The following GALNT2 variants were observed in gnomAD, a reference collection of about 807,000 sequenced individuals.
GALNT2 encodes UDP-GalNAc:polypeptide N-acetylgalactosaminyltransferase 2.
In GALNT2, 31 loss-of-function variants were observed where a neutral mutation model predicts 81.4. The observed-to-expected ratio is 0.38, with a 90% CI of 0.29 to 0.51. GALNT2 has a LOEUF of 0.51. Ranked by LOEUF, GALNT2 falls within the 20% of genes least tolerant of loss-of-function variation. The pLI, the probability that GALNT2 is intolerant of heterozygous loss-of-function variation, is 0.87. For missense variants in GALNT2, 629 were observed against 765.7 expected (o/e 0.82, Z 2.11); for synonymous variants, 303 against 287.4 (o/e 1.05, Z -0.55).
In GALNT2 at chr1:230,279,050, A is replaced by G. The variant is rs1358181038; in HGVS notation, c.1561-253A>G. On this transcript the variant is annotated intron_variant, in intron 15 of 15. Coordinates refer to ENST00000366672, the MANE Select transcript of GALNT2 (RefSeq NM_004481.5). The surrounding 1 kb of genome is among the most constrained non-coding windows in gnomAD (Gnocchi z 4.6). ...GGCTCAGAGGAGGGGACACCCACAG[A>G]AAGTTTGGGGCAGGAGACGTTCTGA... Among the ~76,000 whole-genome samples, 1 of 152,174 alleles carries G rather than the reference A, an allele frequency of 6.6e-6. No individual in the cohort carries two copies. Among genetic ancestry groups the G allele is most frequent in the Admixed American group, 6.5e-5 (1 of 15,284 alleles).
At position 230,151,983 on chromosome 1, in the gene GALNT2, A is replaced by T. The variant is rs150738897; in HGVS notation, c.127-26235A>T. ...TTGTGAATTATCATGGTGCTGGTGG[A>T]AGTGTAGCAGTGAGGACGACCAGAG... On this transcript the variant is annotated intron_variant, in intron 1 of 15. Coordinates refer to ENST00000366672, the MANE Select transcript of GALNT2 (RefSeq NM_004481.5). Among the ~76,000 whole-genome samples, 331 of 152,204 alleles carry T rather than the reference A, an allele frequency of 2.2e-3. 1 individual carries two copies. The highest frequency in any genetic ancestry group is 7.2e-3 in the African/African-American group (301 of 41,534).
intron 11 of GALNT2, among the ~76,000 whole-genome samples, chr1:230,260,862 C>T (rs1665856553): frequency 6.6e-6 from 1 of 152,160 alleles, no homozygotes; most frequent in Admixed American, 6.5e-5. Context: ...TTGATGAATT[C>T]GTCTGTCAGT....
chr1:230,171,368 T>C (rs1439673727), intron 1 of GALNT2, among the ~76,000 whole-genome samples: 3 of 152,256 alleles, frequency 2.0e-5, no homozygotes, highest in South Asian at 2.1e-4. Flanking sequence ...ATTTAAAAAT[T>C]TCTGGCAACC....
intron 1 of GALNT2, among the ~76,000 whole-genome samples, chr1:230,128,860 G>A (rs10864699): frequency 0.27 from 41,623 of 152,142 alleles, 5,760 homozygotes; most frequent in African/African-American, 0.32. Flanking sequence ...GGGCACCTGC[G>A]CTTTCTGGTT....
chr1:230,250,081 A>G (rs1181783920), intron 9 of GALNT2, among the ~76,000 whole-genome samples: 3 of 152,206 alleles, frequency 2.0e-5, no homozygotes, highest in Non-Finnish European at 4.4e-5. Flanking sequence ...CTTTATGCCC[A>G]TGATTTTTTG....
intron 2 of GALNT2, among the ~76,000 whole-genome samples, chr1:230,187,452 T>C (rs1663370727): frequency 6.6e-6 from 1 of 152,094 alleles, no homozygotes; most frequent in Non-Finnish European, 1.5e-5. Context: ...GTGAGTGCTT[T>C]TGGGCATCGG....
chr1:230,276,048 C>T (rs144145641), intron 15 of GALNT2, among the ~76,000 whole-genome samples: 6 of 138,302 alleles, frequency 4.3e-5, no homozygotes, highest in African/African-American at 1.8e-4. Flanking sequence ...TATATACATG[C>T]CACATATATA....
chr1:230,083,230 G>A (rs1571940679), intron 1 of GALNT2, among the ~76,000 whole-genome samples: 1 of 141,116 alleles, frequency 7.1e-6, no homozygotes, highest in Non-Finnish European at 1.5e-5. Flanking sequence ...GGATGATGGA[G>A]CGGGGAGCTG....
chr1:230,115,751 C>A (rs1441261674), intron 1 of GALNT2, among the ~76,000 whole-genome samples: 2 of 152,168 alleles, frequency 1.3e-5, no homozygotes, highest in Non-Finnish European at 2.9e-5. Flanking sequence ...AGCATTTTGC[C>A]CACAGTAGGA....
At chr1:230,239,721 T>C (rs1319583107) in intron 6 of GALNT2, among the ~76,000 whole-genome samples, 3 of 152,270 alleles carry the variant, frequency 2.0e-5, no homozygotes, top group African/African-American at 7.2e-5. Context: ...ATTTGTACCA[T>C]GTGCATTTTG....
intron 3 of GALNT2, among the ~76,000 whole-genome samples, chr1:230,223,225 C>G (rs1664604903): frequency 6.7e-6 from 1 of 148,160 alleles, no homozygotes; most frequent in Non-Finnish European, 1.5e-5. Context: ...TGGGCTCTCA[C>G]TGTGTTGCCC....
Position 230,148,095 on chromosome 1 carries a change from T to G in GALNT2, c.127-30123T>G, listed in dbSNP as rs542877748. ...TGTGTGTCCAGCCCCACTGGACACATGCCTCCCACTTGCCCACACTCTTCC... is the reference window on the plus strand; with the variant it reads ...TGTGTGTCCAGCCCCACTGGACACAGGCCTCCCACTTGCCCACACTCTTCC... On this transcript the variant is annotated intron_variant, in intron 1 of 15. Transcript: ENST00000366672. Among the ~76,000 whole-genome samples the G allele has an allele frequency of 5.9e-5, 9 of 152,100 alleles. No individual in the cohort carries two copies. In the South Asian group the frequency reaches 1.9e-3, roughly 32 times the overall value.
chr1:230,133,100 A>ATT (rs968042400), intron 1 of GALNT2, among the ~76,000 whole-genome samples: 2 of 152,114 alleles, frequency 1.3e-5, no homozygotes, highest in Non-Finnish European at 2.9e-5. Context: ...ACTATATTGT[A>ATT]TTTTTACATG....
chr1:230,077,544 C>T (rs1392404240), intron 1 of GALNT2, among the ~76,000 whole-genome samples: 4 of 152,006 alleles, frequency 2.6e-5, no homozygotes, highest in Admixed American at 6.5e-5. Context: ...TCTTTCAGAC[C>T]GAGACATCAA....
intron 11 of GALNT2, among the ~76,000 whole-genome samples, chr1:230,260,663 A>G (rs1463723233): frequency 6.6e-6 from 1 of 152,202 alleles, no homozygotes; most frequent in Non-Finnish European, 1.5e-5. Flanking sequence ...GGCATAGGTT[A>G]AGGCATAGGT....
intron 1 of GALNT2, among the ~76,000 whole-genome samples, chr1:230,119,089 T>A (rs1660935552): frequency 6.6e-6 from 1 of 152,262 alleles, no homozygotes; most frequent in African/African-American, 2.4e-5. Context: ...TATTTAATTA[T>A]CGCTCAAATC....
intron 1 of GALNT2, among the ~76,000 whole-genome samples, chr1:230,162,143 T>C (rs1030710157): frequency 2.0e-4 from 31 of 152,330 alleles, no homozygotes; most frequent in African/African-American, 7.2e-4. Context: ...CACATTCTTA[T>C]AGATTTGACT....
chr1:230,190,722 C>A (rs979526965), intron 2 of GALNT2, among the ~76,000 whole-genome samples: 4 of 152,120 alleles, frequency 2.6e-5, no homozygotes, highest in African/African-American at 9.7e-5. Context: ...TTTACAAATA[C>A]AGCACTGTGG....
In GALNT2 at chr1:230,236,392, C is replaced by A. The variant is rs200832422; in HGVS notation, c.513C>A (p.Ile171=). ...KKSPPHLIKE[I]ILVDDYSNDP... ...GCCCGCCCCATCTCATAAAAGAAAT[C>A]ATCTTGGTGGATGACTACAGCAATG... Residue 171 remains isoleucine (I), a synonymous_variant, in exon 5 of 16, where the codon ATC becomes ATA. Coordinates refer to ENST00000366672, the MANE Select transcript of GALNT2 (RefSeq NM_004481.5). The A allele has an allele frequency of 6.7e-5, 108 of 1,614,116 alleles. No homozygotes were observed. Among genetic ancestry groups the A allele is most frequent in the Non-Finnish European group, 9.1e-5 (107 of 1,179,992 alleles).
Sources: allele counts gnomAD v4.1 joint callset (sites outside exome capture counted in the v4.1 genomes callset), GRCh38; gene constraint gnomAD v4.1.1; non-coding constraint Gnocchi (gnomAD v3.1); transcripts MANE v1.5; gene names NCBI Gene and HGNC (gene_info 2026-07-23, HGNC 2026-07-21).